The following GALNTL6 variants were observed in gnomAD, a reference collection of about 807,000 sequenced individuals.
GALNTL6 encodes polypeptide N-acetylgalactosaminyltransferase-like 6.
GALNTL6 carries 46 observed loss-of-function variants against 73.7 expected under a neutral mutation model. The observed-to-expected ratio is 0.62, with a 90% CI of 0.49 to 0.80. GALNTL6 has a LOEUF of 0.80. Among genes scored for constraint, GALNTL6 ranks in the 30% least tolerant of loss-of-function variants. The pLI, the probability that GALNTL6 is intolerant of heterozygous loss-of-function variation, is 0.00. For synonymous variants in GALNTL6, 259 were observed against 263.7 expected, an observed-to-expected ratio of 0.98 and a Z score of 0.17; for missense variants, 604 against 755.0, an observed-to-expected ratio of 0.80 and a Z score of 2.34.
chr4:172,666,594 T>C (rs1310266660), intron 5 of GALNTL6, among the ~76,000 whole-genome samples: 1 of 152,174 alleles, frequency 6.6e-6, no homozygotes, highest in African/African-American at 2.4e-5. Flanking sequence ...TTATTGACCC[T>C]TGTAGTCAAG....
At chr4:173,012,605 A>G (rs1483135996) in intron 11 of GALNTL6, among the ~76,000 whole-genome samples, 1 of 152,210 alleles carries the variant, frequency 6.6e-6, no homozygotes, top group Admixed American at 6.5e-5. Flanking sequence ...TTTCTAGGCC[A>G]TAGTTCTTCC....
intron 2 of GALNTL6, among the ~76,000 whole-genome samples, chr4:171,916,229 A>T (rs1283722250): frequency 2.0e-5 from 3 of 152,028 alleles, no homozygotes; most frequent in African/African-American, 7.2e-5. Flanking sequence ...TAGTTTTGGG[A>T]TCTAAAATAT....
At chr4:171,933,923 T>C (rs1011174413) in intron 2 of GALNTL6, among the ~76,000 whole-genome samples, 2 of 152,174 alleles carry the variant, frequency 1.3e-5, no homozygotes, top group Admixed American at 6.5e-5. Context: ...AGATTATTTA[T>C]AGACTATAGT....
intron 2 of GALNTL6, among the ~76,000 whole-genome samples, chr4:171,973,994 GT>G (rs1739645653): frequency 6.7e-6 from 1 of 150,084 alleles, no homozygotes; most frequent in South Asian, 2.1e-4. Context: ...TTTTTTGTTT[GT>G]TTTATTTTAT....
At chr4:172,443,415 C>T (rs1731911929) in intron 5 of GALNTL6, among the ~76,000 whole-genome samples, 1 of 151,676 alleles carries the variant, frequency 6.6e-6, no homozygotes. Context: ...ATCCACCCAC[C>T]TCGGCCTCCC....
At chr4:172,810,765 G>A (rs571043475) in intron 6 of GALNTL6, among the ~76,000 whole-genome samples, 15 of 152,250 alleles carry the variant, frequency 9.9e-5, no homozygotes, top group South Asian at 6.2e-4. Flanking sequence ...AGACTCCTCT[G>A]AGCCTTTAAT....
intron 2 of GALNTL6, among the ~76,000 whole-genome samples, chr4:172,119,867 A>C (rs559301685): frequency 6.6e-5 from 10 of 152,298 alleles, no homozygotes; most frequent in South Asian, 2.1e-4. Flanking sequence ...GGAGCCCAAG[A>C]ATTTGAGTTT....
At chr4:172,485,843 A>G (rs1200187864) in intron 5 of GALNTL6, among the ~76,000 whole-genome samples, 2 of 152,156 alleles carry the variant, frequency 1.3e-5, no homozygotes, top group Non-Finnish European at 2.9e-5. Context: ...AAATGTTTTT[A>G]TGTTGTAAAA....
intron 2 of GALNTL6, among the ~76,000 whole-genome samples, chr4:171,953,225 CGTGT>C (rs36214606): frequency 0.33 from 48,536 of 146,956 alleles, 8,268 homozygotes; most frequent in Admixed American, 0.4. Flanking sequence ...CGCATGCGCA[CGTGT>C]GTGTGTGTGT....
intron 8 of GALNTL6, among the ~76,000 whole-genome samples, chr4:172,884,593 G>A (rs1042053556): frequency 1.3e-5 from 2 of 152,084 alleles, no homozygotes; most frequent in African/African-American, 4.8e-5. Context: ...TTTGTTGATT[G>A]TTTCCTTGCT....
At chr4:172,182,830 T>C (rs1305254447) in intron 2 of GALNTL6, among the ~76,000 whole-genome samples, 3 of 152,172 alleles carry the variant, frequency 2.0e-5, no homozygotes, top group African/African-American at 7.2e-5. Flanking sequence ...ATTTATAAAA[T>C]ATACTCAATA....
intron 5 of GALNTL6, among the ~76,000 whole-genome samples, chr4:172,711,042 C>T (rs894079331): frequency 1.3e-5 from 2 of 152,112 alleles, no homozygotes; most frequent in African/African-American, 4.8e-5. Context: ...CAAGACCCTT[C>T]TTAATAAACA....
intron 5 of GALNTL6, among the ~76,000 whole-genome samples, chr4:172,658,001 T>A (rs1368854374): frequency 7.2e-6 from 1 of 139,078 alleles, no homozygotes; most frequent in African/African-American, 2.7e-5. Context: ...ATACAAAAAA[T>A]TAGCCGGGCG....
At chr4:172,557,172 T>C (rs1246188825) in intron 5 of GALNTL6, among the ~76,000 whole-genome samples, 3 of 152,168 alleles carry the variant, frequency 2.0e-5, no homozygotes, top group Non-Finnish European at 4.4e-5. Context: ...AAAAATTGCA[T>C]GAGTTCAAGT....
chr4:172,704,184 A>G (rs1358526696), intron 5 of GALNTL6, among the ~76,000 whole-genome samples: 1 of 151,664 alleles, frequency 6.6e-6, no homozygotes, highest in Admixed American at 6.6e-5. Context: ...TTTTAGTCTC[A>G]ATTTTATTTA....
At chr4:172,640,822 A>G (rs900258650) in intron 5 of GALNTL6, among the ~76,000 whole-genome samples, 1 of 152,114 alleles carries the variant, frequency 6.6e-6, no homozygotes, top group Non-Finnish European at 1.5e-5. Context: ...GGAAGACACA[A>G]TTCAGGCAAT....
rs1748410392 is a variant in GALNTL6, at chr4:172,932,616, A to AT, written c.1149+1354dup. Reference sequence around the variant, plus strand: ...GGACCAAGAGTCTTTCAGATTTCAGATTTTTTCCAGATTTTGGGATATTCA... The same window carrying AT: ...GGACCAAGAGTCTTTCAGATTTCAGATTTTTTTCCAGATTTTGGGATATTCA... On this transcript the variant is annotated intron_variant, in intron 9 of 12. Transcript: ENST00000506823. Among the ~76,000 whole-genome samples the AT allele has an allele frequency of 2.6e-5, 4 of 152,188 alleles. 1 individual carries two copies. The South Asian group carries it at 8.3e-4, about 32-fold the overall frequency.
At chr4:172,905,034 C>T (rs1021470276) in intron 8 of GALNTL6, among the ~76,000 whole-genome samples, 2 of 152,048 alleles carry the variant, frequency 1.3e-5, no homozygotes, top group African/African-American at 4.8e-5. Context: ...AAGTTCAGGC[C>T]TCTGTATTCT....
intron 3 of GALNTL6, among the ~76,000 whole-genome samples, chr4:172,233,961 G>A (rs1737158895): frequency 6.6e-6 from 1 of 151,660 alleles, no homozygotes; most frequent in Admixed American, 6.6e-5. Flanking sequence ...TTGTAATTTT[G>A]TTCTCAGATT....
Sources: allele counts gnomAD v4.1 joint callset (sites outside exome capture counted in the v4.1 genomes callset), GRCh38; gene constraint gnomAD v4.1.1; transcripts MANE v1.5; gene names NCBI Gene and HGNC (gene_info 2026-07-23, HGNC 2026-07-21).